The following PCDH10 variants were observed in gnomAD, a reference collection of about 807,000 sequenced individuals.
PCDH10 encodes protocadherin 10, also known as protocadherin-10.
A neutral mutation model predicts 74.4 loss-of-function variants in PCDH10; 15 were observed. The observed-to-expected ratio is 0.20, with a 90% confidence interval of 0.13 to 0.31. The LOEUF (loss-of-function observed/expected upper bound fraction) is 0.31. Among genes scored for constraint, PCDH10 ranks in the 10% least tolerant of loss-of-function variants. The pLI is 1.00. For missense variants in PCDH10, 1,260 were observed against 1,390.2 expected (o/e 0.91, Z 1.49); for synonymous variants, 619 against 589.8 (o/e 1.05, Z -0.72).
intron 4 of PCDH10, among the ~76,000 whole-genome samples, chr4:133,182,516 A>C (rs1156467752): frequency 6.6e-6 from 1 of 152,120 alleles, no homozygotes; most frequent in East Asian, 1.9e-4. Context: ...TTTTAAGGAT[A>C]CTTCATTGAT....
intron 4 of PCDH10, among the ~76,000 whole-genome samples, chr4:133,181,055 T>G (rs1246907071): frequency 6.6e-6 from 1 of 151,902 alleles, no homozygotes; most frequent in Non-Finnish European, 1.5e-5. Context: ...AACTAAAGTA[T>G]GTACCCAGGC....
At chr4:133,189,862 A>T (rs1727621886) in intron 4 of PCDH10, among the ~76,000 whole-genome samples, 1 of 152,208 alleles carries the variant, frequency 6.6e-6, no homozygotes, top group African/African-American at 2.4e-5. Context: ...TTATGTAGAT[A>T]ACTTTAAAAA....
intron 3 of PCDH10, among the ~76,000 whole-genome samples, chr4:133,161,717 T>A (rs956604408): frequency 6.6e-6 from 1 of 151,684 alleles, no homozygotes; most frequent in Non-Finnish European, 1.5e-5. Flanking sequence ...CTTTTAAAAT[T>A]TTTTTATTAT....
intron 2 of PCDH10, among the ~76,000 whole-genome samples, chr4:133,206,986 TG>T (rs1238347182): frequency 1.3e-5 from 2 of 152,148 alleles, no homozygotes; most frequent in African/African-American, 4.8e-5. Context: ...AAATATTAAT[TG>T]GTTTATTTCA....
chr4:133,153,091 G>A, intron 1 of PCDH10: 1 of 1,337,270 alleles, frequency 7.5e-7, no homozygotes, highest in East Asian at 2.9e-5. Flanking sequence ...ACTGCGTGAA[G>A]GGAGAGGGAA....
chr4:133,151,550 G>A lies in PCDH10; in HGVS notation c.1410G>A (p.Val470=), dbSNP rs758035236. 1.2e-6 allele frequency: 2 copies of A among 1,614,110 alleles called. No individual in the cohort carries two copies. Among genetic ancestry groups the A allele is most frequent in the Admixed American group, 1.7e-5 (1 of 60,028 alleles). ...APRFSQPVYD[V]YVTENNVPGA... is the part of the protein sequence containing the mutation. ...GTTTCAGCCAGCCGGTCTACGACGT[G>A]TATGTGACTGAAAACAACGTGCCTG... Residue 470 remains valine, a synonymous_variant, in exon 1 of 5, where the codon GTG becomes GTA. Transcript: ENST00000264360.
chr4:133,155,214 G>A (rs1202418247), intron 3 of PCDH10, among the ~76,000 whole-genome samples, 191 bp downstream of exon 3: 1 of 152,168 alleles, frequency 6.6e-6, no homozygotes, highest in Non-Finnish European at 1.5e-5. Flanking sequence ...TGTTCCTTTG[G>A]AGAGTTAATG....
In PCDH10 at chr4:133,191,665, A is replaced by G. The variant is rs1294097757; in HGVS notation, c.*1505A>G. ...GAGGAAAAAAATCAGAGAATATAAG[A>G]TAATCTTTCAAGCAAAAAACAGAAT... On this transcript the variant is annotated 3_prime_UTR_variant, in exon 5 of 5. Coordinates refer to ENST00000264360, the MANE Select transcript of PCDH10 (RefSeq NM_032961.3). 2 of 151,892 alleles carry G rather than the reference A, an allele frequency of 1.3e-5. No individual in the cohort carries two copies. Among genetic ancestry groups the G allele is most frequent in the Non-Finnish European group, 3.0e-5 (2 of 67,690 alleles). 9.4% of individuals were successfully genotyped at this position (151,892 alleles called of 1,614,324 possible). A position where few individuals can be genotyped will look rare whatever the true frequency, so the allele number is the denominator to read the frequency against.
At position 133,150,840 on chromosome 4, in the gene PCDH10, G is replaced by C. The variant is rs757585341; in HGVS notation, c.700G>C (p.Ala234Pro). The C allele has an allele frequency of 6.3e-7, 1 of 1,599,584 alleles. No individual in the cohort carries two copies. Among genetic ancestry groups the C allele is most frequent in the South Asian group, 1.1e-5 (1 of 89,178 alleles). Residue 234 changes from alanine (A) to proline (P), a missense_variant, in exon 1 of 5, where the codon GCC becomes CCC. Physicochemically the swap from Ala to Pro is conservative, Grantham distance 27. Coordinates refer to ENST00000264360, the MANE Select transcript of PCDH10 (RefSeq NM_032961.3). ...LPPQQQRTGT[A>P]LLTIRVLDSN... is the part of the protein sequence containing the mutation. Reference sequence around the variant, plus strand: ...CCCCCAGCAGCAGCGCACCGGCACGGCCCTACTCACCATCCGAGTGCTGGA... The same window carrying C: ...CCCCCAGCAGCAGCGCACCGGCACGCCCCTACTCACCATCCGAGTGCTGGA...
chr4:133,152,468 G>A lies in PCDH10; in HGVS notation c.2328G>A (p.Arg776=). 11 of 1,614,138 alleles carry A rather than the reference G, an allele frequency of 6.8e-6. No individual in the cohort carries two copies. The highest frequency in any genetic ancestry group is 9.3e-6 in the Non-Finnish European group (11 of 1,180,024). ...CGACCTGCTGTGGCCGCCAAGCCCG[G>A]GCGCGCAAGAAGAAACTCAGCAAGT... ...GGSTCCGRQA[R]ARKKKLSKSD... is the part of the protein sequence containing the mutation. Residue 776 remains arginine, a synonymous_variant, in exon 1 of 5, where the codon CGG becomes CGA. Coordinates refer to ENST00000264360, the MANE Select transcript of PCDH10 (RefSeq NM_032961.3).
chr4:133,166,134 GT>G (rs965029743), intron 4 of PCDH10, among the ~76,000 whole-genome samples: 1 of 151,514 alleles, frequency 6.6e-6, no homozygotes, highest in Non-Finnish European at 1.5e-5. Flanking sequence ...TAATGTTGTA[GT>G]TTGCTAAGTT....
At chr4:133,169,967 T>C (rs1436209092) in intron 4 of PCDH10, among the ~76,000 whole-genome samples, 2 of 152,166 alleles carry the variant, frequency 1.3e-5, no homozygotes, top group African/African-American at 4.8e-5. Flanking sequence ...AAACTCAGCA[T>C]AATGTGAGTC....
At chr4:133,176,179 C>A (rs1727291524) in intron 4 of PCDH10, among the ~76,000 whole-genome samples, 1 of 152,022 alleles carries the variant, frequency 6.6e-6, no homozygotes, top group Non-Finnish European at 1.5e-5. Flanking sequence ...TTATAGCCTA[C>A]TATGGATTTA....
At chr4:133,180,487 T>A (rs1350461295) in intron 4 of PCDH10, among the ~76,000 whole-genome samples, 3 of 152,014 alleles carry the variant, frequency 2.0e-5, no homozygotes, top group Non-Finnish European at 2.9e-5. Context: ...CATCAGATGC[T>A]ATTTTTTTAA....
At chr4:133,153,692 G>T (rs1726793910) in intron 1 of PCDH10, 1 of 102,198 alleles carries the variant, frequency 9.8e-6, no homozygotes, top group South Asian at 3.6e-4. Context: ...GTGGGGAGGC[G>T]AATGCAGAGG....
intron 4 of PCDH10, among the ~76,000 whole-genome samples, chr4:133,184,846 G>A (rs1454327196): frequency 1.4e-5 from 2 of 143,484 alleles, no homozygotes; most frequent in Non-Finnish European, 3.0e-5. Flanking sequence ...TTCTCACAAG[G>A]CAATAGTACA....
At chr4:133,165,189 GT>G (rs1727052909) in intron 4 of PCDH10, among the ~76,000 whole-genome samples, 1 of 150,754 alleles carries the variant, frequency 6.6e-6, no homozygotes, top group Non-Finnish European at 1.5e-5. Context: ...AAAATTTAGG[GT>G]TTGGGTTGAC....
chr4:133,204,251 C>T (rs903205790), intron 2 of PCDH10, among the ~76,000 whole-genome samples: 3 of 152,216 alleles, frequency 2.0e-5, no homozygotes, highest in South Asian at 2.1e-4. Flanking sequence ...TCTAGGGTAT[C>T]GGTCCCCTCC....
intron 4 of PCDH10, among the ~76,000 whole-genome samples, chr4:133,167,210 ATTTGAG>A (rs77018644): frequency 0.049 from 7,430 of 150,988 alleles, 375 homozygotes; most frequent in East Asian, 0.26. Context: ...AATAAACTTT[ATTTGAG>A]GGAAATTTTT....
Sources: gnomAD v4.1 joint callset for allele counts (sites outside exome capture counted in the v4.1 genomes callset) on GRCh38, gnomAD v4.1.1 for gene constraint, MANE v1.5 for transcripts, NCBI Gene and HGNC (gene_info 2026-07-23, HGNC 2026-07-21) for gene names.